CD36: variants seen among roughly 807,000 people sequenced by gnomAD.
CD36 encodes the protein CD36 molecule (CD36 blood group).
Under a neutral mutation model 55.2 loss-of-function variants are expected in CD36, and 119 were observed. The ratio of observed to expected loss-of-function variants is 2.15; its 90% CI spans 1.86 to 2.51. The LOEUF is 2.51. CD36 is among the 30% of genes most tolerant of loss of function. The pLI is 0.00. For synonymous variants in CD36, 186 were observed against 193.6 expected (o/e 0.96, Z 0.33); for missense variants, 819 against 555.5 (o/e 1.47, Z -4.77).
At chr7:80,616,620 G>T (rs1793175479) in intron 1 of CD36, among the ~76,000 whole-genome samples, 1 of 151,988 alleles carries the variant, frequency 6.6e-6, no homozygotes, top group African/African-American at 2.4e-5. Context: ...TTATCAGTTG[G>T]GATGATTTTG....
At chr7:80,610,892 A>G (rs929172337) in intron 1 of CD36, among the ~76,000 whole-genome samples, 7 of 150,334 alleles carry the variant, frequency 4.7e-5, no homozygotes, top group African/African-American at 1.8e-4. Flanking sequence ...TATTTTTTAG[A>G]GACAGGGTCT....
chr7:80,645,779 A>T (rs1414018670), intron 1 of CD36, among the ~76,000 whole-genome samples: 1 of 152,162 alleles, frequency 6.6e-6, no homozygotes, highest in African/African-American at 2.4e-5. Flanking sequence ...GTAGGGAAAA[A>T]ATTCTTCAGT....
At chr7:80,626,951 A>T (rs1328270689) in intron 1 of CD36, among the ~76,000 whole-genome samples, 1 of 152,058 alleles carries the variant, frequency 6.6e-6, no homozygotes, top group Non-Finnish European at 1.5e-5. Context: ...TATTGCATTC[A>T]TCTTATCTCC....
chr7:80,666,402 T>TTAAA (rs761535004), intron 7 of CD36, 41 bp from the exon 8 acceptor site: 15 of 1,353,630 alleles, frequency 1.1e-5, no homozygotes, highest in Admixed American at 6.7e-5. Flanking sequence ...AAGGTATTCT[T>TTAAA]TAAATAAGAA....
chr7:80,671,145 C>T lies in CD36; in HGVS notation c.987C>T (p.Asp329=), dbSNP rs999947969. 6.2e-7 allele frequency: 1 copy of T among 1,610,526 alleles called. No homozygotes were observed. Among genetic ancestry groups the T allele is most frequent in the Non-Finnish European group, 8.5e-7 (1 of 1,177,454 alleles). Residue 329 remains aspartate, a synonymous_variant, in exon 10 of 15, where the codon GAC becomes GAT. Transcript: ENST00000447544. ...SKNCTSYGVL[D]ISKCKEGRPV... ...ATTGTACATCATATGGTGTGCTAGA[C>T]ATCAGCAAATGCAAAGAAGGTGAGT...
In CD36 at chr7:80,661,052, T is replaced by C; in HGVS notation, c.282-11T>C. On this transcript the variant is annotated splice_polypyrimidine_tract_variant and intron_variant, in intron 4 of 14. Transcript: ENST00000447544. ...AAATGTTTTGAATTTTGTTTACTGC[T>C]ATTTCTTTAGAGTTCGTTTTCTAGC... 1 of 1,601,572 alleles carries C rather than the reference T, an allele frequency of 6.2e-7. No individual in the cohort carries two copies. The highest frequency in any genetic ancestry group is 8.6e-7 in the Non-Finnish European group (1 of 1,168,588).
rs770511058 is a variant in CD36, at chr7:80,672,763, TTTTTAGA to T, written c.1126-5_1127del. 1.1e-5 allele frequency: 18 copies of T among 1,593,944 alleles called. No individual in the cohort carries two copies. The East Asian group carries it at 4.0e-4, about 36-fold the overall frequency. ...AGTTGGTAATTATTTAGTTGTTCTC[TTTTTAGA>T]TAACTGGATTCACTTTACAATTTGC... On this transcript the variant is annotated splice_acceptor_variant and splice_polypyrimidine_tract_variant and coding_sequence_variant and intron_variant, in exon 12 of 15. Coordinates refer to ENST00000447544, the MANE Select transcript of CD36 (RefSeq NM_001001548.3). LOFTEE classifies it high-confidence loss of function.
rs67213422 is a variant in CD36 at position 80,604,350 on chromosome 7, A to ATTTTTTTTTTTTTTTTT, written c.-184+1995_-184+2011dup. On this transcript the variant is annotated intron_variant, in intron 1 of 13. Transcript: ENST00000309881. ...TACAGTAATTGGCTAAGCCACTGGAATTTTTTTTTTTTTTTTTTTTTTTTT... is the reference window on the plus strand; with the variant it reads ...TACAGTAATTGGCTAAGCCACTGGAATTTTTTTTTTTTTTTTTTTTTTTTTTTTTTTTTTTTTTTTTT... 9.8e-4 allele frequency among the ~76,000 whole-genome samples: 53 copies of ATTTTTTTTTTTTTTTTT among 54,292 alleles called. 10 individuals are homozygous for ATTTTTTTTTTTTTTTTT. The highest frequency in any genetic ancestry group is 1.7e-3 in the South Asian group (3 of 1,744). 35.6% of individuals were successfully genotyped at this position (54,292 alleles called of 152,430 possible). A position where few individuals can be genotyped will look rare whatever the true frequency, so the allele number is the denominator to read the frequency against.
At chr7:80,638,451 C>T (rs951798040), upstream of CD36, 1 of 150,008 alleles carries the variant, frequency 6.7e-6, no homozygotes, top group Non-Finnish European at 1.5e-5. Context: ...GGGTCTTCAC[C>T]AGAACATAAA....
intron 1 of CD36, among the ~76,000 whole-genome samples, chr7:80,629,129 A>G (rs1395147898): frequency 6.6e-6 from 1 of 152,168 alleles, no homozygotes; most frequent in East Asian, 1.9e-4. Context: ...AGGTTTGCCC[A>G]CAGAATTGAA....
At chr7:80,621,012 A>G (rs1793439021) in intron 1 of CD36, among the ~76,000 whole-genome samples, 4 of 152,190 alleles carry the variant, frequency 2.6e-5, no homozygotes, top group African/African-American at 9.7e-5. Context: ...TTTCCAAGTG[A>G]TGTGGCAAAC....
intron 14 of CD36, chr7:80,674,360 T>G (rs1798058384): frequency 1.9e-6 from 1 of 513,904 alleles, no homozygotes; most frequent in Non-Finnish European, 3.5e-6. Context: ...AGATAAAAGA[T>G]GTACTTGTGA....
chr7:80,673,792 G>GAAGAGTACCGTACTCTATC, intron 13 of CD36, 191 bp from the exon 14 acceptor site: 1 of 618,062 alleles, frequency 1.6e-6, no homozygotes, highest in South Asian at 1.9e-5. Flanking sequence ...CTAGTACATT[G>GAAGAGTACCGTACTCTATC]AAGAGTACCG....
At chr7:80,666,583 G>T in intron 8 of CD36, 94 bp downstream of exon 8, 1 of 965,928 alleles carries the variant, frequency 1.0e-6, no homozygotes, top group South Asian at 1.3e-5. Flanking sequence ...AGTTGAGGGT[G>T]TGTGTTTACT....
intron 1 of CD36, among the ~76,000 whole-genome samples, chr7:80,616,085 T>G (rs1026540701): frequency 6.6e-6 from 1 of 152,180 alleles, no homozygotes; most frequent in South Asian, 2.1e-4. Flanking sequence ...GTTGATTCTA[T>G]AGATATTCCT....
At chr7:80,632,496 G>C (rs1237318034) in intron 1 of CD36, among the ~76,000 whole-genome samples, 1 of 151,978 alleles carries the variant, frequency 6.6e-6, no homozygotes. Flanking sequence ...CTTTAAACTT[G>C]AGGTAACAGA....
At chr7:80,611,717 A>C (rs1034871299) in intron 1 of CD36, among the ~76,000 whole-genome samples, 2 of 152,180 alleles carry the variant, frequency 1.3e-5, no homozygotes, top group Non-Finnish European at 2.9e-5. Context: ...TGAAGGAAAT[A>C]GAGATTTGCT....
intron 1 of CD36, among the ~76,000 whole-genome samples, chr7:80,606,198 C>G (rs1329349696): frequency 1.3e-5 from 2 of 152,154 alleles, no homozygotes; most frequent in East Asian, 3.9e-4. Context: ...ACATTTCTTT[C>G]TTATGTTTAG....
chr7:80,634,058 CTTT>C (rs980793998), upstream of CD36, among the ~76,000 whole-genome samples: 1 of 151,240 alleles, frequency 6.6e-6, no homozygotes, highest in Admixed American at 6.6e-5. Flanking sequence ...ATAAATGTAT[CTTT>C]TTTTTTCTTT....
Sources: allele counts gnomAD v4.1 joint callset (sites outside exome capture counted in the v4.1 genomes callset), GRCh38; gene constraint gnomAD v4.1.1; transcripts MANE v1.5; gene names NCBI Gene and HGNC (gene_info 2026-07-23, HGNC 2026-07-21).